Variants in DSE observed in about 807,000 individuals in gnomAD.
The protein encoded by DSE is dermatan sulfate epimerase, also known as dermatan-sulfate epimerase.
Under a neutral mutation model 84.4 loss-of-function variants are expected in DSE, and 36 were observed. The ratio of observed to expected loss-of-function variants is 0.43; its 90% CI spans 0.33 to 0.56. The LOEUF is 0.56. DSE is among the 20% of genes least tolerant of loss of function. The pLI is 0.06. For missense variants in DSE, 862 were observed against 1,169.6 expected (o/e 0.74, Z 3.84); for synonymous variants, 410 against 430.1 (o/e 0.95, Z 0.58).
chr6:116,389,552 C>T (rs929242541), intron 1 of DSE, among the ~76,000 whole-genome samples: 1 of 152,154 alleles, frequency 6.6e-6, no homozygotes, highest in African/African-American at 2.4e-5. Flanking sequence ...GCCCTCTTAA[C>T]CATCTCACCA....
intron 2 of DSE, among the ~76,000 whole-genome samples, chr6:116,310,660 C>T (rs144993214): frequency 6.6e-6 from 1 of 152,166 alleles, no homozygotes; most frequent in African/African-American, 2.4e-5. Context: ...AAAGTATATC[C>T]CAAATCTACA....
At chr6:116,308,411 G>A (rs1484262457) in intron 2 of DSE, among the ~76,000 whole-genome samples, 1 of 152,120 alleles carries the variant, frequency 6.6e-6, no homozygotes, top group African/African-American at 2.4e-5. Context: ...ATTTTGATAT[G>A]AGCTGTTTAG....
intron 2 of DSE, among the ~76,000 whole-genome samples, chr6:116,322,102 CGTG>C (rs1562228941): frequency 7.2e-6 from 1 of 139,612 alleles, no homozygotes; most frequent in Non-Finnish European, 1.7e-5. Flanking sequence ...GTGAGAGGGA[CGTG>C]ATTGATTGAG....
intron 2 of DSE, chr6:116,276,972 CTA>C (rs1447972908): frequency 1.3e-5 from 2 of 152,140 alleles, no homozygotes; most frequent in African/African-American, 4.8e-5. Flanking sequence ...GTTGTTCAAA[CTA>C]TGTTTCTAGG....
At chr6:116,435,458 T>A (rs1303022447) in intron 5 of DSE, 129 bp from the exon 6 acceptor site, 1 of 865,846 alleles carries the variant, frequency 1.2e-6, no homozygotes. Flanking sequence ...TTTTTAGAAT[T>A]GTCCCTAATA....
At chr6:116,406,634 TG>T (rs1157942264) in intron 2 of DSE, among the ~76,000 whole-genome samples, 1 of 152,226 alleles carries the variant, frequency 6.6e-6, no homozygotes, top group African/African-American at 2.4e-5. Flanking sequence ...GACATGAGTA[TG>T]TTCATGGAGT....
At chr6:116,364,176 A>C (rs1239286408) in intron 2 of DSE, among the ~76,000 whole-genome samples, 1 of 152,210 alleles carries the variant, frequency 6.6e-6, no homozygotes. Flanking sequence ...TTTGTTTGTT[A>C]AACTGTTGTT....
intron 2 of DSE, among the ~76,000 whole-genome samples, chr6:116,262,093 G>A (rs1772437890): frequency 1.3e-5 from 2 of 152,146 alleles, no homozygotes. Flanking sequence ...TTGGCATCAG[G>A]ATGATGTTGG....
chr6:116,384,981 A>G (rs1780490047), intron 1 of DSE, among the ~76,000 whole-genome samples: 1 of 152,218 alleles, frequency 6.6e-6, no homozygotes, highest in South Asian at 2.1e-4. Flanking sequence ...TAAATAAGGT[A>G]GTCATTGCAG....
intron 1 of DSE, chr6:116,375,616 T>C: frequency 1.1e-6 from 1 of 931,694 alleles, no homozygotes; most frequent in Non-Finnish European, 1.3e-6. Context: ...TAGTTGATGC[T>C]GAAGTCTTGC....
intron 2 of DSE, among the ~76,000 whole-genome samples, chr6:116,331,531 G>A (rs1776932831): frequency 6.6e-6 from 1 of 152,114 alleles, no homozygotes; most frequent in Non-Finnish European, 1.5e-5. Context: ...CAATATATGG[G>A]GATTACAATT....
chr6:116,394,207 G>A (rs894434109), intron 1 of DSE, among the ~76,000 whole-genome samples: 2 of 152,192 alleles, frequency 1.3e-5, no homozygotes, highest in African/African-American at 4.8e-5. Context: ...TCACAGAAAC[G>A]AAGTTTTTCT....
At chr6:116,374,637 G>A (rs1217725054) in intron 1 of DSE, among the ~76,000 whole-genome samples, 1 of 152,200 alleles carries the variant, frequency 6.6e-6, no homozygotes, top group Non-Finnish European at 1.5e-5. Flanking sequence ...GTCCGAGGTT[G>A]AGGGGCTGCA....
intron 2 of DSE, among the ~76,000 whole-genome samples, chr6:116,338,608 G>A (rs4946158): frequency 0.23 from 34,820 of 152,036 alleles, 5,186 homozygotes; most frequent in East Asian, 0.64. Flanking sequence ...CAGAACCAAA[G>A]ATTACCTTTG....
intron 4 of DSE, among the ~76,000 whole-genome samples, 188 bp downstream of exon 4, chr6:116,431,381 T>C (rs927305051): frequency 1.2e-4 from 18 of 152,198 alleles, no homozygotes; most frequent in Admixed American, 2.0e-4. Flanking sequence ...TGGAGGCTAA[T>C]GTGAGTATTT....
chr6:116,289,205 C>G (rs530390519), intron 2 of DSE, among the ~76,000 whole-genome samples: 1 of 151,564 alleles, frequency 6.6e-6, no homozygotes, highest in African/African-American at 2.4e-5. Context: ...TGGGACAAAC[C>G]CCTACTGTAT....
rs551405686 is a variant in DSE at position 116,416,620 on chromosome 6, A to G, written c.417-9954A>G. 6.4e-4 allele frequency among the ~76,000 whole-genome samples: 97 copies of G among 152,160 alleles called. 1 individual carries two copies. The highest frequency in any genetic ancestry group is 1.2e-3 in the Non-Finnish European group (82 of 68,028). On this transcript the variant is annotated intron_variant, in intron 2 of 5. Transcript: ENST00000644252. Reference sequence around the variant, plus strand: ...AATGTGTCAACTACATACAGTTATTATAACTGCTCAGTTCTTGCCCAAGCC... The same window carrying G: ...AATGTGTCAACTACATACAGTTATTGTAACTGCTCAGTTCTTGCCCAAGCC...
intron 1 of DSE, chr6:116,254,460 T>G: frequency 3.0e-6 from 1 of 338,104 alleles, no homozygotes; most frequent in East Asian, 8.4e-5. Context: ...TCACAGGCCT[T>G]CCTTCTTTTA....
intron 2 of DSE, among the ~76,000 whole-genome samples, chr6:116,283,550 G>GTTGTTGTTGTT (rs1773673079): frequency 6.6e-6 from 1 of 151,776 alleles, no homozygotes. Flanking sequence ...TGTTGTTGTT[G>GTTGTTGTTGTT]TTGTTGTTGT....
Sources: gnomAD v4.1 joint callset for allele counts (sites outside exome capture counted in the v4.1 genomes callset) on GRCh38, gnomAD v4.1.1 for gene constraint, MANE v1.5 for transcripts, NCBI Gene and HGNC (gene_info 2026-07-23, HGNC 2026-07-21) for gene names.